Variants in TMEM229B observed in about 807,000 individuals in gnomAD.
TMEM229B encodes chromosome 14 open reading frame 83.
TMEM229B carries 6 observed loss-of-function variants against 13.7 expected under a neutral mutation model. The observed-to-expected ratio is 0.44, with a 90% CI of 0.24 to 0.86. The LOEUF is 0.86. TMEM229B is among the 40% of genes least tolerant of loss of function. The pLI, the probability that TMEM229B is intolerant of heterozygous loss-of-function variation, is 0.23. For synonymous variants in TMEM229B, 107 were observed against 102.1 expected (o/e 1.05, Z -0.29); for missense variants, 170 against 236.0 (o/e 0.72, Z 1.83).
intron 1 of TMEM229B, among the ~76,000 whole-genome samples, chr14:67,496,421 T>TTTTTTTA (rs1491168123): frequency 4.3e-5 from 5 of 117,430 alleles, no homozygotes; most frequent in South Asian, 5.3e-4. Context: ...TTTTTTTTTT[T>TTTTTTTA]GAGACAGGGT....
chr14:67,486,569 G>A (rs542549760), intron 2 of TMEM229B, among the ~76,000 whole-genome samples: 6 of 152,260 alleles, frequency 3.9e-5, no homozygotes, highest in South Asian at 4.2e-4. Context: ...CACAGTGCCC[G>A]GCTGATCTGA....
rs533531760 is a variant in TMEM229B at position 67,523,208 on chromosome 14, A to G, written c.-192+10428T>C. Among the ~76,000 whole-genome samples the G allele has an allele frequency of 3.0e-4, 46 of 152,180 alleles. 1 individual carries two copies. The East Asian group carries it at 6.4e-3, about 21-fold the overall frequency. On this transcript the variant is annotated intron_variant, in intron 1 of 2. Coordinates refer to the TMEM229B transcript ENST00000554278. ...TGTGGTGGCAGAAGCCTGTAATCCC[A>G]GCTACTCGGGAGGCTAAGGCAGGGA...
chr14:67,508,434 C>A (rs141269712), intron 1 of TMEM229B, among the ~76,000 whole-genome samples: 5 of 152,194 alleles, frequency 3.3e-5, no homozygotes, highest in African/African-American at 1.2e-4. Flanking sequence ...TTGCATCACA[C>A]GCCCAGAGTC....
At chr14:67,530,013 A>G (rs2033422122) in intron 1 of TMEM229B, among the ~76,000 whole-genome samples, 1 of 152,120 alleles carries the variant, frequency 6.6e-6, no homozygotes, top group Admixed American at 6.5e-5. Context: ...GCAGGTAGGG[A>G]TGGGAAGCAG....
chr14:67,527,521 G>A (rs573776946), intron 1 of TMEM229B, among the ~76,000 whole-genome samples: 15 of 152,302 alleles, frequency 9.8e-5, no homozygotes, highest in Non-Finnish European at 1.9e-4. Context: ...TAAATGTTTC[G>A]ATTTTTAATT....
At chr14:67,514,665 A>C (rs182889327) in intron 1 of TMEM229B, among the ~76,000 whole-genome samples, 47 of 152,066 alleles carry the variant, frequency 3.1e-4, no homozygotes, top group Admixed American at 3.0e-3. Flanking sequence ...TTCCACCCAG[A>C]CTGTCACCCC....
intron 1 of TMEM229B, among the ~76,000 whole-genome samples, chr14:67,497,260 T>C (rs989120845): frequency 1.5e-4 from 23 of 152,094 alleles, no homozygotes; most frequent in African/African-American, 5.6e-4. Context: ...GTCCCGAGGT[T>C]AGGCCAGATG....
rs753999321 is a variant in TMEM229B, at chr14:67,473,539, G to A, written c.385C>T (p.Leu129Phe). 8 of 1,613,918 alleles carry A rather than the reference G, an allele frequency of 5.0e-6. No homozygotes were observed. Among genetic ancestry groups the A allele is most frequent in the African/African-American group, 2.7e-5 (2 of 74,922 alleles). The change falls in exon 3 of 3, where the codon CTC becomes TTC. Residue 129 changes from leucine (L) to phenylalanine (F), a missense_variant. This residue lies in a region of TMEM229B where 70 missense variants were observed against 60.9 expected (regional missense o/e 1.15). Coordinates refer to ENST00000554480, the MANE Select transcript of TMEM229B (RefSeq NM_001348543.2). The surrounding 1 kb of genome is among the most constrained non-coding windows in gnomAD (Gnocchi z 6.5). ...EYAVPWFCGA[L>F]IMEQFIIRNT... The stretch of plus-strand genomic sequence containing the variant: ...CGGATGATGAACTGCTCCATGATGA[G>A]GGCCCCGCAGAACCAGGGCACGGCG...
At chr14:67,524,184 C>T (rs138924686) in intron 1 of TMEM229B, among the ~76,000 whole-genome samples, 48 of 152,166 alleles carry the variant, frequency 3.2e-4, no homozygotes, top group South Asian at 2.9e-3. Context: ...CCCAAGTTCC[C>T]GGGCTCAATC....
chr14:67,518,701 C>G (rs2033244737), upstream of TMEM229B, among the ~76,000 whole-genome samples: 1 of 152,208 alleles, frequency 6.6e-6, no homozygotes, highest in Admixed American at 6.5e-5. Context: ...CTCTTGTCCC[C>G]CATAAGTAAT....
Position 67,496,391 on chromosome 14 carries a change from GT to G in TMEM229B, c.-191-9220del, listed in dbSNP as rs555715850. On this transcript the variant is annotated intron_variant, in intron 1 of 2. Coordinates refer to the TMEM229B transcript ENST00000357461. ...TACAGGTGTGAGCCACTGCTCCGGC[GT>G]TTTTTTTTTTTTTTTTTTTTTTTTT... Among the ~76,000 whole-genome samples the G allele has an allele frequency of 5.2e-3, 155 of 30,046 alleles. 1 individual carries two copies. The highest frequency in any genetic ancestry group is 0.015 in the African/African-American group (118 of 7,626). 19.7% of individuals were successfully genotyped at this position (30,046 alleles called of 152,430 possible). A position where few individuals can be genotyped will look rare whatever the true frequency, so the allele number is the denominator to read the frequency against.
chr14:67,515,974 A>G (rs2033191942), upstream of TMEM229B, among the ~76,000 whole-genome samples: 1 of 152,258 alleles, frequency 6.6e-6, no homozygotes, highest in Non-Finnish European at 1.5e-5. Context: ...GATTTGCTTT[A>G]TACCATAAAG....
At chr14:67,533,148 G>T (rs541016322) in intron 1 of TMEM229B, among the ~76,000 whole-genome samples, 1 of 152,246 alleles carries the variant, frequency 6.6e-6, no homozygotes, top group African/African-American at 2.4e-5. Flanking sequence ...GAGCCGAGGG[G>T]AGGAGGGCGC....
At chr14:67,498,592 AG>A (rs1279087625) in intron 1 of TMEM229B, among the ~76,000 whole-genome samples, 1 of 152,244 alleles carries the variant, frequency 6.6e-6, no homozygotes, top group Admixed American at 6.5e-5. Context: ...ATGCCAAGAA[AG>A]ACGAAGGAAT....
At chr14:67,526,042 T>C (rs1475493304) in intron 1 of TMEM229B, among the ~76,000 whole-genome samples, 1 of 152,232 alleles carries the variant, frequency 6.6e-6, no homozygotes, top group South Asian at 2.1e-4. Flanking sequence ...CAACCTTATA[T>C]ATGAGACCTG....
intron 1 of TMEM229B, among the ~76,000 whole-genome samples, chr14:67,528,157 G>T (rs2033395620): frequency 6.6e-6 from 1 of 152,164 alleles, no homozygotes; most frequent in South Asian, 2.1e-4. Flanking sequence ...CTTGGCTTGG[G>T]TCTGTCTTCT....
chr14:67,513,914 C>A (rs567429408), intron 1 of TMEM229B, among the ~76,000 whole-genome samples: 2 of 152,324 alleles, frequency 1.3e-5, no homozygotes, highest in East Asian at 1.9e-4. Flanking sequence ...GGACCTGGAA[C>A]CTGGCCCATT....
Position 67,473,813 on chromosome 14 carries a change from C to T in TMEM229B, c.111G>A (p.Leu37=). ...TCGTGACCCCAGGGAACTTCCAGTT[C>T]AAGTTCACCACGAACTCCCAGGCCG... ...FTAAWEFVVN[L]NWKFPGVTSV... Residue 37 remains leucine (L), a synonymous_variant, in exon 3 of 3, where the codon TTG becomes TTA. Coordinates refer to ENST00000554480, the MANE Select transcript of TMEM229B (RefSeq NM_001348543.2). The surrounding 1 kb of genome is among the most constrained non-coding windows in gnomAD (Gnocchi z 6.5). 1.2e-6 allele frequency: 2 copies of T among 1,613,798 alleles called. No individual in the cohort carries two copies. The highest frequency in any genetic ancestry group is 1.7e-6 in the Non-Finnish European group (2 of 1,179,880).
chr14:67,489,073 G>C (rs1412508086), upstream of TMEM229B, among the ~76,000 whole-genome samples: 1 of 152,150 alleles, frequency 6.6e-6, no homozygotes, highest in Non-Finnish European at 1.5e-5. Flanking sequence ...CTGAACCAGA[G>C]TTTCTTGGAA....
Sources: gnomAD v4.1 joint callset for allele counts (sites outside exome capture counted in the v4.1 genomes callset) on GRCh38, gnomAD v4.1.1 for gene constraint, gnomAD v4.1.1 regional missense constraint, Gnocchi (gnomAD v3.1) non-coding constraint, MANE v1.5 for transcripts, NCBI Gene and HGNC (gene_info 2026-07-23, HGNC 2026-07-21) for gene names.